Variants in DNAH5 observed in about 807,000 individuals in gnomAD.
The protein encoded by DNAH5 is dynein axonemal heavy chain 5.
DNAH5 carries 372 observed loss-of-function variants against 518.2 expected under a neutral mutation model. The observed-to-expected ratio is 0.72, with a 90% CI of 0.66 to 0.78. DNAH5 has a LOEUF of 0.78. DNAH5 is among the 30% of genes least tolerant of loss of function. The probability of loss-of-function intolerance (pLI) is 0.00; values close to 1 mark genes in which losing one functional copy is unlikely to be tolerated. For synonymous variants in DNAH5, 2,039 were observed against 2,025.9 expected, an observed-to-expected ratio of 1.01 and a Z score of -0.17; for missense variants, 5,523 against 5,687.0, an observed-to-expected ratio of 0.97 and a Z score of 0.93.
At chr5:13,872,911 A>T (rs1393441169) in intron 22 of DNAH5, among the ~76,000 whole-genome samples, 1 of 152,118 alleles carries the variant, frequency 6.6e-6, no homozygotes, top group Non-Finnish European at 1.5e-5. Context: ...GTTTGCATGG[A>T]CATACAGAGC....
In DNAH5 at chr5:13,807,733, A is replaced by G; in HGVS notation, c.7753-8T>C. On this transcript the variant is annotated splice_polypyrimidine_tract_variant and splice_region_variant and intron_variant, in intron 46 of 78. Coordinates refer to ENST00000265104, the MANE Select transcript of DNAH5 (RefSeq NM_001369.3). ...ACCAATTAATAGCACAGCCTAAAATAGAGGGAATTGAAAAAAAAAGAAATG... is the reference window on the plus strand; with the variant it reads ...ACCAATTAATAGCACAGCCTAAAATGGAGGGAATTGAAAAAAAAAGAAATG... 6.3e-7 allele frequency: 1 copy of G among 1,599,374 alleles called. No homozygotes were observed. Among genetic ancestry groups the G allele is most frequent in the Non-Finnish European group, 8.5e-7 (1 of 1,170,604 alleles).
intron 29 of DNAH5, among the ~76,000 whole-genome samples, chr5:13,862,102 C>G (rs1768534134): frequency 6.6e-6 from 1 of 151,786 alleles, no homozygotes; most frequent in South Asian, 2.1e-4. Flanking sequence ...TTCTGAAATT[C>G]AAAATAATGT....
intron 65 of DNAH5, among the ~76,000 whole-genome samples, chr5:13,750,394 G>A (rs10041790): frequency 1.3e-5 from 2 of 152,118 alleles, no homozygotes; most frequent in South Asian, 2.1e-4. Context: ...ATGCTCACTC[G>A]AAAGAAGGAA....
chr5:13,778,553 A>G lies in DNAH5; in HGVS notation c.8952-1198T>C, dbSNP rs1695913003. On this transcript the variant is annotated intron_variant, in intron 53 of 78. Transcript: ENST00000265104. ...AGAGAGAGAGAGAAGAAAGAAAGAA[A>G]GAAAGAAAGAAAGAAAGAAAGAAAG... 6.5e-5 allele frequency among the ~76,000 whole-genome samples: 4 copies of G among 61,198 alleles called. No homozygotes were observed. In the South Asian group the frequency reaches 2.5e-3, roughly 39 times the overall value. The allele number at this position is 61,198 out of a possible 152,430, so 40.1% of individuals were successfully genotyped here. A position where few individuals can be genotyped will look rare whatever the true frequency, so the allele number is the denominator to read the frequency against.
chr5:13,866,564 C>T (rs1769287660), intron 25 of DNAH5, among the ~76,000 whole-genome samples: 3 of 152,086 alleles, frequency 2.0e-5, no homozygotes, highest in Admixed American at 2.0e-4. Context: ...GGAGTCAATG[C>T]CTGTTCTATA....
chr5:13,789,004 C>A, intron 50 of DNAH5, 90 bp from the exon 51 acceptor site: 1 of 1,191,448 alleles, frequency 8.4e-7, no homozygotes, highest in Admixed American at 2.0e-5. Context: ...TATTATCCTT[C>A]CTGATTTAAG....
chr5:13,769,674 C>T (rs1753055288), intron 56 of DNAH5, 59 bp from the exon 57 acceptor site: 1 of 1,372,028 alleles, frequency 7.3e-7, no homozygotes, highest in African/African-American at 1.4e-5. Context: ...ATGCAATTCT[C>T]AAGTACTGGT....
At chr5:13,986,090 A>G (rs1783035404) in intron 1 of DNAH5, among the ~76,000 whole-genome samples, 1 of 152,222 alleles carries the variant, frequency 6.6e-6, no homozygotes, top group Non-Finnish European at 1.5e-5. Flanking sequence ...CACCAGCAAG[A>G]GACCTGGAGA....
intron 42 of DNAH5, among the ~76,000 whole-genome samples, chr5:13,815,176 G>C (rs527310928): frequency 1.3e-5 from 2 of 152,264 alleles, no homozygotes; most frequent in East Asian, 1.9e-4. Flanking sequence ...ACATTCTAAG[G>C]AGTAGAGATG....
intron 49 of DNAH5, among the ~76,000 whole-genome samples, chr5:13,792,770 A>G (rs1453072046): frequency 1.3e-5 from 2 of 152,208 alleles, no homozygotes; most frequent in African/African-American, 4.8e-5. Context: ...GATTACTGCC[A>G]TACTTCACTA....
chr5:13,949,878 T>A lies in DNAH5; in HGVS notation c.13-18634A>T, dbSNP rs533170874. 4.6e-5 allele frequency among the ~76,000 whole-genome samples: 7 copies of A among 152,324 alleles called. No homozygotes were observed. The South Asian group carries it at 1.4e-3, about 32-fold the overall frequency. ...AGGACGTTACGCTTCTGATCCTGAATCCTGTACATACTGGTTGCTTAGGTG... is the reference window on the plus strand; with the variant it reads ...AGGACGTTACGCTTCTGATCCTGAAACCTGTACATACTGGTTGCTTAGGTG... On this transcript the variant is annotated intron_variant, in intron 1 of 78. Transcript: ENST00000681290.
At position 13,744,274 on chromosome 5, in the gene DNAH5, TA is replaced by T. The variant is rs201565911; in HGVS notation, c.11212-6780del. ...CATATTCTCACTCACATATGTAAGC[TA>T]AAAAAAAAATGTTGATCTCATAGAA... On this transcript the variant is annotated intron_variant, in intron 65 of 78. Transcript: ENST00000265104. 5.9e-4 allele frequency among the ~76,000 whole-genome samples: 88 copies of T among 148,164 alleles called. No homozygotes were observed. The East Asian group carries it at 7.1e-3, about 12-fold the overall frequency.
At chr5:13,929,860 T>C (rs1401430020) in intron 2 of DNAH5, among the ~76,000 whole-genome samples, 2 of 152,186 alleles carry the variant, frequency 1.3e-5, no homozygotes, top group African/African-American at 2.4e-5. Flanking sequence ...GATGTCTGAA[T>C]TGGGAAGCAG....
At chr5:13,975,019 G>A (rs147436811) in intron 1 of DNAH5, among the ~76,000 whole-genome samples, 170 of 152,242 alleles carry the variant, frequency 1.1e-3, no homozygotes, top group African/African-American at 3.7e-3. Flanking sequence ...AGCAAATACC[G>A]CGGCAGGCAT....
chr5:13,707,873 GA>G lies in DNAH5; in HGVS notation c.13338+249del, dbSNP rs1452324449. On this transcript the variant is annotated intron_variant, in intron 76 of 78. Coordinates refer to ENST00000265104, the MANE Select transcript of DNAH5 (RefSeq NM_001369.3). The surrounding 1 kb of genome is among the most constrained non-coding windows in gnomAD (Gnocchi z 4.0). Reference sequence around the variant, plus strand: ...CTTAAGTTTCTCATCTGTAAAATAAGAGCAGTAAAATACAAAATTTAAGTAA... The same window carrying G: ...CTTAAGTTTCTCATCTGTAAAATAAGGCAGTAAAATACAAAATTTAAGTAA... Among the ~76,000 whole-genome samples, 1 of 152,002 alleles carries G rather than the reference GA, an allele frequency of 6.6e-6. No individual in the cohort carries two copies. Among genetic ancestry groups the G allele is most frequent in the African/African-American group, 2.4e-5 (1 of 41,358 alleles).
At chr5:13,694,805 A>G (rs1418235611) in intron 78 of DNAH5, among the ~76,000 whole-genome samples, 1 of 152,222 alleles carries the variant, frequency 6.6e-6, no homozygotes, top group Admixed American at 6.5e-5. Flanking sequence ...AACATACACT[A>G]TTTCTTTCAA....
intron 30 of DNAH5, among the ~76,000 whole-genome samples, chr5:13,852,257 T>A (rs1766981055): frequency 6.6e-6 from 1 of 152,024 alleles, no homozygotes; most frequent in South Asian, 2.1e-4. Context: ...AACCTCCGCC[T>A]CCCAGGTTCA....
intron 42 of DNAH5, 41 bp downstream of exon 42, chr5:13,817,507 A>G (rs749473084): frequency 2.9e-5 from 46 of 1,594,966 alleles, no homozygotes; most frequent in Non-Finnish European, 3.7e-5. Flanking sequence ...GATTCTATCT[A>G]GAAGTATAAT....
intron 24 of DNAH5, among the ~76,000 whole-genome samples, chr5:13,869,107 C>G (rs1769704386): frequency 6.6e-6 from 1 of 152,046 alleles, no homozygotes; most frequent in Non-Finnish European, 1.5e-5. Flanking sequence ...TGTTTCAACC[C>G]AAGGAGAGCA....
Sources: allele counts gnomAD v4.1 joint callset (sites outside exome capture counted in the v4.1 genomes callset), GRCh38; gene constraint gnomAD v4.1.1; non-coding constraint Gnocchi (gnomAD v3.1); transcripts MANE v1.5; gene names NCBI Gene and HGNC (gene_info 2026-07-23, HGNC 2026-07-21).